Variants in RAP1GAP2 observed in about 807,000 individuals in gnomAD.
RAP1GAP2 encodes the protein RAP1 GTPase activating protein 2.
In RAP1GAP2, 27 loss-of-function variants were observed where a neutral mutation model predicts 95.0. That is an observed-to-expected ratio of 0.28 (90% CI 0.21 to 0.39). The LOEUF (loss-of-function observed/expected upper bound fraction) is 0.39, where lower values mean the gene tolerates loss of function less well. RAP1GAP2 is among the 10% of genes least tolerant of loss of function. The pLI is 1.00. For missense variants in RAP1GAP2, 771 were observed against 970.0 expected, an observed-to-expected ratio of 0.79 and a Z score of 2.72; for synonymous variants, 373 against 380.9, an observed-to-expected ratio of 0.98 and a Z score of 0.24.
intron 3 of RAP1GAP2, among the ~76,000 whole-genome samples, chr17:2,948,823 G>A (rs2043806916): frequency 1.3e-5 from 2 of 152,126 alleles, no homozygotes; most frequent in African/African-American, 4.8e-5. Context: ...ACAGGGTGGT[G>A]AGATGGAGAG....
At chr17:2,781,559 CGTCTCTGTGTGTGCAG>C (rs747874421) in intron 1 of RAP1GAP2, among the ~76,000 whole-genome samples, 5,281 of 136,582 alleles carry the variant, frequency 0.039, 167 homozygotes, top group South Asian at 0.054. Flanking sequence ...TGTGTGTGCA[CGTCTCTGTGTGTGCAG>C]GTCTCTGTGT....
intron 5 of RAP1GAP2, 26 bp downstream of exon 5, chr17:2,962,740 C>T: frequency 6.3e-7 from 1 of 1,577,452 alleles, no homozygotes. Context: ...GAGGGGGTGG[C>T]CAGACGGCCC....
At chr17:2,881,852 G>A (rs923401686) in intron 2 of RAP1GAP2, among the ~76,000 whole-genome samples, 2 of 152,020 alleles carry the variant, frequency 1.3e-5, no homozygotes, top group Non-Finnish European at 2.9e-5. Flanking sequence ...ACGGAGTCTC[G>A]CTATGTCGCC....
intron 11 of RAP1GAP2, among the ~76,000 whole-genome samples, chr17:2,986,672 CTCT>C (rs1297528917): frequency 6.6e-6 from 1 of 151,942 alleles, no homozygotes; most frequent in Non-Finnish European, 1.5e-5. Context: ...CCTCACCTAA[CTCT>C]CGTGTTTGCT....
chr17:2,804,391 G>A (rs2069425905), intron 2 of RAP1GAP2, among the ~76,000 whole-genome samples: 1 of 152,238 alleles, frequency 6.6e-6, no homozygotes. Context: ...ATAAGAAAGT[G>A]GAGACTGAGA....
Position 2,860,594 on chromosome 17 carries a change from CTTTTTTT to C in RAP1GAP2, c.81-44669_81-44663del, listed in dbSNP as rs561492877. 2.4e-4 allele frequency among the ~76,000 whole-genome samples: 23 copies of C among 96,056 alleles called. 1 individual carries two copies. Among genetic ancestry groups the C allele is most frequent in the South Asian group, 1.1e-3 (3 of 2,782 alleles). 63.0% of individuals were successfully genotyped at this position (96,056 alleles called of 152,430 possible). A position where few individuals can be genotyped will look rare whatever the true frequency, so the allele number is the denominator to read the frequency against. The stretch of plus-strand genomic sequence containing the variant: ...TAGACTTTCCATTATACTTATTTAT[CTTTTTTT>C]TTTTTTTTTTTTTTTTTTTTGAGAC... On this transcript the variant is annotated intron_variant, in intron 2 of 24. Transcript: ENST00000254695.
At chr17:2,995,602 C>A in intron 13 of RAP1GAP2, 136 bp downstream of exon 13, 1 of 1,227,356 alleles carries the variant, frequency 8.1e-7, no homozygotes, top group Non-Finnish European at 1.1e-6. Flanking sequence ...TGCGCAGCAG[C>A]GTCACAGTCC....
chr17:3,028,330 G>A (rs1312517723), intron 22 of RAP1GAP2, among the ~76,000 whole-genome samples: 1 of 148,636 alleles, frequency 6.7e-6, no homozygotes, highest in East Asian at 1.9e-4. Context: ...AATGTCTGGC[G>A]ACATTTTTAA....
intron 8 of RAP1GAP2, 23 bp from the exon 9 acceptor site, chr17:2,980,264 C>G (rs1555585926): frequency 1.2e-6 from 2 of 1,612,408 alleles, no homozygotes; most frequent in Non-Finnish European, 1.7e-6. Flanking sequence ...TAGGGATGTC[C>G]TTTTTTCTCC....
chr17:3,000,639 C>T (rs1235275636), intron 14 of RAP1GAP2, among the ~76,000 whole-genome samples: 32 of 59,094 alleles, frequency 5.4e-4, no homozygotes, highest in African/African-American at 1.7e-3. Context: ...GGAGAAGGGA[C>T]AGAAGAAGCA....
chr17:2,816,635 C>CTTCCCAGGTTCA (rs2070042835), intron 2 of RAP1GAP2, among the ~76,000 whole-genome samples: 1 of 125,538 alleles, frequency 8.0e-6, no homozygotes, highest in Non-Finnish European at 1.9e-5. Context: ...TTTTAAAAAA[C>CTTCCCAGGTTCA]TGTGTTAAAA....
intron 1 of RAP1GAP2, among the ~76,000 whole-genome samples, chr17:2,768,177 AAG>A (rs2068313024): frequency 1.3e-5 from 2 of 152,306 alleles, no homozygotes; most frequent in East Asian, 1.9e-4. Flanking sequence ...AAATTCCCCA[AAG>A]AGGGGATTAT....
chr17:2,770,380 C>T (rs2068367100), exon 2 of RAP1GAP2: 2 of 398,604 alleles, frequency 5.0e-6, no homozygotes, highest in African/African-American at 4.1e-5. Context: ...TGACAGCCTT[C>T]CAGTGGCTCT....
At chr17:3,031,162 C>T (rs2047278600) in intron 23 of RAP1GAP2, among the ~76,000 whole-genome samples, 164 bp downstream of exon 23, 1 of 152,248 alleles carries the variant, frequency 6.6e-6, no homozygotes, top group African/African-American at 2.4e-5. Context: ...GCCGTGTCTC[C>T]GGGTTCCAGC....
At chr17:2,917,814 C>G (rs929633689) in intron 3 of RAP1GAP2, among the ~76,000 whole-genome samples, 2 of 152,068 alleles carry the variant, frequency 1.3e-5, no homozygotes, top group Non-Finnish European at 2.9e-5. Context: ...TTCCTGGGTT[C>G]AAGTGATTCT....
At chr17:2,787,256 T>G (rs952448717) in intron 1 of RAP1GAP2, among the ~76,000 whole-genome samples, 7 of 149,174 alleles carry the variant, frequency 4.7e-5, no homozygotes, top group Non-Finnish European at 9.0e-5. Flanking sequence ...CAGCTTTGGT[T>G]TTTTTTTTTT....
intron 1 of RAP1GAP2, chr17:2,800,186 C>T (rs1195228348): frequency 2.4e-5 from 24 of 985,268 alleles, no homozygotes; most frequent in Non-Finnish European, 2.4e-5. Context: ...GGAGAGGCTG[C>T]ATACAAAGTG....
chr17:3,012,543 G>T (rs898307970), intron 17 of RAP1GAP2, among the ~76,000 whole-genome samples: 3 of 141,798 alleles, frequency 2.1e-5, no homozygotes, highest in Non-Finnish European at 4.5e-5. Flanking sequence ...GCTCAAACCT[G>T]GGAGGTGGAG....
intron 2 of RAP1GAP2, among the ~76,000 whole-genome samples, chr17:2,863,676 AG>A (rs1482843959): frequency 6.6e-6 from 1 of 151,970 alleles, no homozygotes; most frequent in African/African-American, 2.4e-5. Flanking sequence ...CTTACTCTGG[AG>A]GGTAAAGCAA....
Sources: gnomAD v4.1 joint callset for allele counts (sites outside exome capture counted in the v4.1 genomes callset) on GRCh38, gnomAD v4.1.1 for gene constraint, MANE v1.5 for transcripts, NCBI Gene and HGNC (gene_info 2026-07-23, HGNC 2026-07-21) for gene names.